Variants in PCDHGA6 observed in about 807,000 individuals in gnomAD.
PCDHGA6 encodes protocadherin gamma subfamily A, 6, also known as protocadherin gamma-A6.
A neutral mutation model predicts 60.6 loss-of-function variants in PCDHGA6; 41 were observed. That is an observed-to-expected ratio of 0.68 (90% CI 0.53 to 0.88). The LOEUF is 0.88. Among genes scored for constraint, PCDHGA6 ranks in the 40% least tolerant of loss-of-function variants. The probability of loss-of-function intolerance (pLI) is 0.00; values close to 1 mark genes in which losing one functional copy is unlikely to be tolerated. For missense variants in PCDHGA6, 1,312 were observed against 1,203.0 expected (o/e 1.09, Z -1.34); for synonymous variants, 594 against 524.4 (o/e 1.13, Z -1.81).
In PCDHGA6 at chr5:141,419,578, G is replaced by A. The variant is rs1339676992; in HGVS notation, c.2424+43071G>A. The A allele has an allele frequency of 1.9e-6, 3 of 1,611,604 alleles. No individual in the cohort carries two copies. In the Admixed American group the frequency reaches 5.0e-5, roughly 27 times the overall value. On this transcript the variant is annotated intron_variant, in intron 1 of 3. Transcript: ENST00000517434. ...CTGCGCTGGGTCCCGACGGCTCCGC[G>A]CTCTTCGACACAGTGCCGCGGGCCG...
At chr5:141,460,989 A>G (rs199888312) in intron 1 of PCDHGA6, among the ~76,000 whole-genome samples, 3,445 of 98,242 alleles carry the variant, frequency 0.035, 55 homozygotes, top group African/African-American at 0.064. Context: ...GTGTGTATAT[A>G]TATATATGTG....
At chr5:141,397,361 G>A (rs2093513931) in intron 1 of PCDHGA6, among the ~76,000 whole-genome samples, 1 of 152,164 alleles carries the variant, frequency 6.6e-6, no homozygotes. Flanking sequence ...TCAGGAAGAG[G>A]AGATGTTTGG....
intron 1 of PCDHGA6, among the ~76,000 whole-genome samples, chr5:141,473,090 T>C (rs1426311051): frequency 3.9e-5 from 6 of 152,064 alleles, no homozygotes; most frequent in African/African-American, 1.4e-4. Context: ...TTATCCACTG[T>C]GAGTTGTATT....
chr5:141,408,656 C>G (rs1367377855), intron 1 of PCDHGA6: 1 of 1,614,030 alleles, frequency 6.2e-7, no homozygotes, highest in South Asian at 1.1e-5. Flanking sequence ...TGGTACACGA[C>G]TATCGCTTGA....
intron 1 of PCDHGA6, chr5:141,419,239 C>T (rs374093302): frequency 3.7e-6 from 6 of 1,614,008 alleles, no homozygotes; most frequent in East Asian, 2.2e-5. Context: ...ACCTGGTCCA[C>T]GTGCCAGAAA....
chr5:141,400,558 C>A, intron 1 of PCDHGA6: 1 of 1,613,290 alleles, frequency 6.2e-7, no homozygotes, highest in Non-Finnish European at 8.5e-7. Context: ...TTTTTCATTA[C>A]CCACCCAATT....
intron 1 of PCDHGA6, 117 bp downstream of exon 1, chr5:141,376,624 A>C (rs1350295838): frequency 7.4e-6 from 10 of 1,343,058 alleles, no homozygotes; most frequent in Non-Finnish European, 9.1e-6. Context: ...TTGGTACAGG[A>C]AGATTCGTGA....
intron 1 of PCDHGA6, chr5:141,416,537 G>T (rs2096038948): frequency 6.6e-6 from 1 of 152,082 alleles, no homozygotes; most frequent in Admixed American, 6.6e-5. Context: ...AATGTATAAG[G>T]AGGCAAACAC....
chr5:141,421,869 A>G lies in PCDHGA6; in HGVS notation c.2424+45362A>G, dbSNP rs200015978. 1.5e-5 allele frequency: 24 copies of G among 1,613,732 alleles called. No individual in the cohort carries two copies. The African/African-American group carries it at 3.1e-4, about 21-fold the overall frequency. ...AGGCTGCTCACCTGCTCCTCCTCAC[A>G]GCTTTAGATGGAGGCGATCCCATCC... On this transcript the variant is annotated intron_variant, in intron 1 of 3. Transcript: ENST00000517434.
At position 141,476,356 on chromosome 5, in the gene PCDHGA6, C is replaced by T. The variant is rs757679991; in HGVS notation, c.2425-18451C>T. The stretch of plus-strand genomic sequence containing the variant: ...CTAGCCGAAGATTCTTTGAGGTGAA[C>T]CGGGAGACCGGAGAGATGTTTGTGA... On this transcript the variant is annotated intron_variant, in intron 1 of 3. Coordinates refer to ENST00000517434, the MANE Select transcript of PCDHGA6 (RefSeq NM_018919.3). This position sits in a 1 kb window ranked among gnomAD's most constrained non-coding sequence, Gnocchi z 7.6. 6 of 1,613,958 alleles carry T rather than the reference C, an allele frequency of 3.7e-6. No individual in the cohort carries two copies. The African/African-American group carries it at 4.0e-5, about 11-fold the overall frequency.
intron 1 of PCDHGA6, among the ~76,000 whole-genome samples, chr5:141,436,531 G>T (rs1365651055): frequency 6.6e-6 from 1 of 152,152 alleles, no homozygotes; most frequent in African/African-American, 2.4e-5. Context: ...CCTTTAGCAA[G>T]TTATTTAATC....
chr5:141,487,127 A>T lies in PCDHGA6; in HGVS notation c.2425-7680A>T. ...GGTCATTGTGGTAAAGGATAGTGGT[A>T]GTCCACCACTCTCTACCTCTGTTAC... On this transcript the variant is annotated intron_variant, in intron 1 of 3. Coordinates refer to ENST00000517434, the MANE Select transcript of PCDHGA6 (RefSeq NM_018919.3). The surrounding 1 kb of genome is among the most constrained non-coding windows in gnomAD (Gnocchi z 5.0). 6.2e-7 allele frequency: 1 copy of T among 1,613,334 alleles called. No individual in the cohort carries two copies. Among genetic ancestry groups the T allele is most frequent in the Admixed American group, 1.7e-5 (1 of 60,026 alleles).
intron 3 of PCDHGA6, among the ~76,000 whole-genome samples, chr5:141,505,976 A>G (rs911235674): frequency 1.3e-5 from 2 of 152,136 alleles, no homozygotes; most frequent in Admixed American, 1.3e-4. Context: ...CCCAGCCGAG[A>G]GAACACCTCC....
In PCDHGA6 at chr5:141,485,132, T is replaced by C. The variant is rs1020670896; in HGVS notation, c.2425-9675T>C. On this transcript the variant is annotated intron_variant, in intron 1 of 3. Transcript: ENST00000517434. This position sits in a 1 kb window ranked among gnomAD's most constrained non-coding sequence, Gnocchi z 5.7. ...GGCTGTTTGGGGCGGGTCGGCTTCATCCGCGTCTCAGGAGCAAGTAGAGAA... is the reference window on the plus strand; with the variant it reads ...GGCTGTTTGGGGCGGGTCGGCTTCACCCGCGTCTCAGGAGCAAGTAGAGAA... 8.1e-6 allele frequency: 12 copies of C among 1,489,136 alleles called. No individual in the cohort carries two copies. Among genetic ancestry groups the C allele is most frequent in the East Asian group, 2.3e-5 (1 of 44,214 alleles). The allele number at this position is 1,489,136 out of a possible 1,614,324, so 92.2% of individuals were successfully genotyped here.
At position 141,486,765 on chromosome 5, in the gene PCDHGA6, T is replaced by C; in HGVS notation, c.2425-8042T>C. On this transcript the variant is annotated intron_variant, in intron 1 of 3. Transcript: ENST00000517434. This position sits in a 1 kb window ranked among gnomAD's most constrained non-coding sequence, Gnocchi z 5.0. ...TTTGACTATGAGCAAACCCAGACACTGCAGTTTGAGGTGCAGGCCCGGGAT... is the reference window on the plus strand; with the variant it reads ...TTTGACTATGAGCAAACCCAGACACCGCAGTTTGAGGTGCAGGCCCGGGAT... 4 of 1,614,230 alleles carry C rather than the reference T, an allele frequency of 2.5e-6. No individual in the cohort carries two copies. Among genetic ancestry groups the C allele is most frequent in the Non-Finnish European group, 3.4e-6 (4 of 1,180,038 alleles).
intron 1 of PCDHGA6, chr5:141,413,189 G>T: frequency 1.2e-6 from 2 of 1,606,972 alleles, no homozygotes; most frequent in Middle Eastern, 1.7e-4. Flanking sequence ...GCCGCTCAAA[G>T]GAATCGCTCA....
At chr5:141,433,391 CTA>C (rs1477426085) in intron 1 of PCDHGA6, among the ~76,000 whole-genome samples, 3 of 151,570 alleles carry the variant, frequency 2.0e-5, no homozygotes, top group African/African-American at 7.3e-5. Context: ...ATCTATCTAT[CTA>C]TCTATCTATC....
At chr5:141,419,170 C>T (rs758796140) in intron 1 of PCDHGA6, 4 of 1,613,966 alleles carry the variant, frequency 2.5e-6, no homozygotes, top group Non-Finnish European at 3.4e-6. Context: ...CCAGCAAAAC[C>T]ATAACCCTGC....
At chr5:141,415,023 C>A (rs1213037511) in intron 1 of PCDHGA6, 1 of 1,613,530 alleles carries the variant, frequency 6.2e-7, no homozygotes, top group East Asian at 2.2e-5. Flanking sequence ...TCAAGGCCAG[C>A]GAGCCGGGAC....
Sources: gnomAD v4.1 joint callset for allele counts (sites outside exome capture counted in the v4.1 genomes callset) on GRCh38, gnomAD v4.1.1 for gene constraint, Gnocchi (gnomAD v3.1) non-coding constraint, MANE v1.5 for transcripts, NCBI Gene and HGNC (gene_info 2026-07-23, HGNC 2026-07-21) for gene names.